The following FOXP1 variants were observed in gnomAD, a reference collection of about 807,000 sequenced individuals.
FOXP1 encodes forkhead box protein P1.
Under a neutral mutation model 98.2 loss-of-function variants are expected in FOXP1, and 15 were observed. That is an observed-to-expected ratio of 0.15 (90% CI 0.10 to 0.24). The LOEUF is 0.24. Ranked by LOEUF, FOXP1 falls within the 10% of genes least tolerant of loss-of-function variation. The pLI is 1.00. For synonymous variants in FOXP1, 371 were observed against 314.5 expected (o/e 1.18, Z -1.90); for missense variants, 633 against 848.5 (o/e 0.75, Z 3.15).
intron 3 of FOXP1, among the ~76,000 whole-genome samples, chr3:71,490,967 G>A (rs530362164): frequency 7.2e-5 from 11 of 152,210 alleles, no homozygotes; most frequent in East Asian, 5.8e-4. Context: ...GAAACAGACC[G>A]AGGCTTTGTT....
intron 6 of FOXP1, among the ~76,000 whole-genome samples, chr3:71,117,275 C>T (rs567683357): frequency 3.3e-5 from 5 of 151,846 alleles, no homozygotes; most frequent in South Asian, 4.2e-4. Context: ...TTTGTAGAGA[C>T]GGGGTCTCAT....
At chr3:71,284,581 T>C (rs1160486320) in intron 5 of FOXP1, among the ~76,000 whole-genome samples, 5 of 151,950 alleles carry the variant, frequency 3.3e-5, no homozygotes, top group Admixed American at 3.3e-4. Context: ...AGACAAATAT[T>C]TGTGCACAAA....
intron 10 of FOXP1, among the ~76,000 whole-genome samples, chr3:71,044,290 T>C (rs2048733583): frequency 1.3e-5 from 2 of 152,154 alleles, no homozygotes; most frequent in Non-Finnish European, 2.9e-5. Flanking sequence ...AGCAGGTACA[T>C]AGCCAAGCAT....
intron 7 of FOXP1, among the ~76,000 whole-genome samples, chr3:71,106,338 T>C (rs183634157): frequency 1.6e-4 from 24 of 152,324 alleles, no homozygotes; most frequent in African/African-American, 5.3e-4. Context: ...CTGAGTTCCT[T>C]ATTTTTTGTT....
intron 5 of FOXP1, among the ~76,000 whole-genome samples, chr3:71,218,654 C>T (rs1414907361): frequency 6.6e-6 from 1 of 152,212 alleles, no homozygotes; most frequent in Non-Finnish European, 1.5e-5. Context: ...CTACTTAGCG[C>T]TGCTGTTGTG....
At chr3:71,419,776 T>C (rs1347256792) in intron 3 of FOXP1, among the ~76,000 whole-genome samples, 1 of 152,120 alleles carries the variant, frequency 6.6e-6, no homozygotes, top group South Asian at 2.1e-4. Context: ...CATACATATA[T>C]GCACACACAC....
At chr3:71,497,948 T>C (rs1366544629) in intron 2 of FOXP1, among the ~76,000 whole-genome samples, 1 of 152,202 alleles carries the variant, frequency 6.6e-6, no homozygotes, top group Non-Finnish European at 1.5e-5. Flanking sequence ...ATTCAATCTG[T>C]TTTCCTAGAG....
intron 4 of FOXP1, among the ~76,000 whole-genome samples, chr3:71,326,061 G>A (rs1453206254): frequency 6.6e-6 from 1 of 151,422 alleles, no homozygotes; most frequent in African/African-American, 2.4e-5. Context: ...TCTCTTTCTT[G>A]CTTTCAAGTA....
At chr3:70,987,926 G>C in intron 14 of FOXP1, 68 bp downstream of exon 14, 4 of 1,428,930 alleles carry the variant, frequency 2.8e-6, no homozygotes, top group Non-Finnish European at 4.0e-6. Flanking sequence ...CCTCCATTTG[G>C]GGTGGGGAAG....
chr3:71,260,573 T>C (rs1372688019), intron 5 of FOXP1, among the ~76,000 whole-genome samples: 1 of 151,464 alleles, frequency 6.6e-6, no homozygotes, highest in African/African-American at 2.4e-5. Context: ...ATTTTTGTTT[T>C]TCTCTGTCGC....
intron 6 of FOXP1, among the ~76,000 whole-genome samples, chr3:71,118,077 G>T (rs977543102): frequency 2.0e-5 from 3 of 152,182 alleles, no homozygotes; most frequent in African/African-American, 7.2e-5. Flanking sequence ...TCTGCACAAG[G>T]AGTTGGAACT....
chr3:71,177,828 TTTTC>T (rs1040075241), intron 6 of FOXP1, among the ~76,000 whole-genome samples: 32 of 135,346 alleles, frequency 2.4e-4, no homozygotes, highest in Non-Finnish European at 2.8e-4. Flanking sequence ...GTTTATTTTC[TTTTC>T]TTTCTTTCTT....
chr3:71,064,484 G>A (rs2052066855), intron 7 of FOXP1, among the ~76,000 whole-genome samples: 1 of 151,646 alleles, frequency 6.6e-6, no homozygotes, highest in African/African-American at 2.4e-5. Flanking sequence ...ACACAAGCAG[G>A]ACTTCCTCCA....
chr3:71,393,228 T>G (rs1291045964), intron 3 of FOXP1, among the ~76,000 whole-genome samples: 1 of 152,102 alleles, frequency 6.6e-6, no homozygotes, highest in Non-Finnish European at 1.5e-5. Context: ...ATAGGTCAGG[T>G]TTGGTGTGAA....
intron 2 of FOXP1, among the ~76,000 whole-genome samples, chr3:71,547,556 G>A (rs1042494358): frequency 3.3e-5 from 5 of 152,198 alleles, no homozygotes; most frequent in African/African-American, 1.2e-4. Context: ...GGGCCACTCA[G>A]AGCCACACTT....
chr3:71,091,785 C>T (rs1253512316), intron 7 of FOXP1, among the ~76,000 whole-genome samples: 2 of 151,986 alleles, frequency 1.3e-5, no homozygotes, highest in African/African-American at 4.8e-5. Context: ...AAAACAAAGA[C>T]CAATAAACTT....
At chr3:71,415,702 C>CT (rs55984368) in intron 3 of FOXP1, among the ~76,000 whole-genome samples, 1,760 of 140,766 alleles carry the variant, frequency 0.013, 15 homozygotes, top group African/African-American at 0.02. Flanking sequence ...ATTAGTTGCT[C>CT]TTTTTTTTTT....
intron 6 of FOXP1, among the ~76,000 whole-genome samples, chr3:71,196,230 A>T (rs2063292336): frequency 6.6e-6 from 1 of 152,200 alleles, no homozygotes; most frequent in Non-Finnish European, 1.5e-5. Flanking sequence ...ATAACCCATA[A>T]CAACAAATTT....
At position 70,955,121 on chromosome 3, in the gene FOXP1, A is replaced by G. The variant is rs144967833; in HGVS notation, c.*4126T>C. 7.8e-4 allele frequency: 181 copies of G among 232,386 alleles called. 1 individual carries two copies. The highest frequency in any genetic ancestry group is 3.9e-3 in the African/African-American group (176 of 45,448). The allele number at this position is 232,386 out of a possible 1,614,324, so 14.4% of individuals were successfully genotyped here. A position where few individuals can be genotyped will look rare whatever the true frequency, so the allele number is the denominator to read the frequency against. ...TATGTCATTAACCAAAAGGTACCAA[A>G]AAGATTCAAAATCTGAATAAGCACA... On this transcript the variant is annotated 3_prime_UTR_variant, in exon 21 of 21. Coordinates refer to ENST00000649528, the MANE Select transcript of FOXP1 (RefSeq NM_001349338.3).
Sources: gnomAD v4.1 joint callset for allele counts (sites outside exome capture counted in the v4.1 genomes callset) on GRCh38, gnomAD v4.1.1 for gene constraint, MANE v1.5 for transcripts, NCBI Gene and HGNC (gene_info 2026-07-23, HGNC 2026-07-21) for gene names.